NRG3: variants seen among roughly 807,000 people sequenced by gnomAD.
The protein encoded by NRG3 is neuregulin 3, also known as pro-neuregulin-3, membrane-bound isoform.
A neutral mutation model predicts 66.9 loss-of-function variants in NRG3; 31 were observed. That is an observed-to-expected ratio of 0.46 (90% CI 0.35 to 0.63). NRG3 has a LOEUF of 0.63. Ranked by LOEUF, NRG3 falls within the 20% of genes least tolerant of loss-of-function variation. The probability of loss-of-function intolerance (pLI) is 0.00; values close to 1 mark genes in which losing one functional copy is unlikely to be tolerated. For missense variants in NRG3, 910 were observed against 878.9 expected (o/e 1.04, Z -0.45); for synonymous variants, 393 against 359.4 (o/e 1.09, Z -1.06).
At chr10:82,557,380 A>G (rs2881885) in intron 2 of NRG3, among the ~76,000 whole-genome samples, 2,705 of 152,260 alleles carry the variant, frequency 0.018, 31 homozygotes, top group Middle Eastern at 0.068. Context: ...CATATCTGTA[A>G]TGATCAGTGA....
intron 1 of NRG3, among the ~76,000 whole-genome samples, chr10:82,144,961 AT>A (rs2070138018): frequency 1.3e-5 from 2 of 152,180 alleles, no homozygotes. Flanking sequence ...TGAAAATAAC[AT>A]TTCCATCTTT....
At chr10:82,479,966 T>TCAAAAA (rs60881629) in intron 2 of NRG3, among the ~76,000 whole-genome samples, 13 of 152,098 alleles carry the variant, frequency 8.5e-5, no homozygotes, top group South Asian at 4.1e-4. Flanking sequence ...AGACTGCGTC[T>TCAAAAA]CAAAAACAAA....
intron 1 of NRG3, among the ~76,000 whole-genome samples, chr10:82,211,313 A>C (rs1031844139): frequency 5.3e-5 from 8 of 152,146 alleles, no homozygotes; most frequent in Non-Finnish European, 1.2e-4. Flanking sequence ...AACATTGAGA[A>C]TTTTGGTCCT....
chr10:82,375,779 T>G (rs2085191018), intron 2 of NRG3, among the ~76,000 whole-genome samples: 1 of 152,110 alleles, frequency 6.6e-6, no homozygotes, highest in Non-Finnish European at 1.5e-5. Context: ...TGATTGAACA[T>G]AATTCCTAGG....
At chr10:82,613,271 T>C (rs534374768) in intron 2 of NRG3, among the ~76,000 whole-genome samples, 7 of 152,244 alleles carry the variant, frequency 4.6e-5, no homozygotes, top group African/African-American at 1.7e-4. Context: ...ATTCCTATTT[T>C]TACTCATGTA....
At chr10:82,965,625 A>T (rs1851136314) in intron 6 of NRG3, among the ~76,000 whole-genome samples, 1 of 151,782 alleles carries the variant, frequency 6.6e-6, no homozygotes, top group African/African-American at 2.4e-5. Flanking sequence ...AATCCCACCT[A>T]CTCAGGAGGC....
chr10:81,898,887 T>G (rs1170711313), intron 1 of NRG3, among the ~76,000 whole-genome samples: 1 of 152,170 alleles, frequency 6.6e-6, no homozygotes, highest in Non-Finnish European at 1.5e-5. Flanking sequence ...TACAGGAAGA[T>G]TTCAGAAAAC....
At chr10:81,883,800 C>T (rs1039796136) in intron 1 of NRG3, among the ~76,000 whole-genome samples, 3 of 152,126 alleles carry the variant, frequency 2.0e-5, no homozygotes, top group African/African-American at 7.2e-5. Flanking sequence ...AAGCCACACC[C>T]TCATCATCAT....
At chr10:82,192,081 G>A (rs923441537) in intron 1 of NRG3, among the ~76,000 whole-genome samples, 8 of 151,944 alleles carry the variant, frequency 5.3e-5, no homozygotes, top group East Asian at 1.9e-4. Context: ...TCAAACTTCC[G>A]TACTTCCTAA....
At chr10:82,521,591 T>C (rs577831132) in intron 2 of NRG3, among the ~76,000 whole-genome samples, 21 of 152,206 alleles carry the variant, frequency 1.4e-4, no homozygotes, top group East Asian at 1.4e-3. Context: ...CCGCCCGCCT[T>C]GGCCTCCCAA....
chr10:81,956,427 G>T (rs1849836621), intron 1 of NRG3, among the ~76,000 whole-genome samples: 1 of 152,140 alleles, frequency 6.6e-6, no homozygotes, highest in African/African-American at 2.4e-5. Context: ...GAGTCATTTG[G>T]TGATGGTCCA....
At chr10:82,131,092 G>T (rs940737366) in intron 1 of NRG3, among the ~76,000 whole-genome samples, 14 of 152,096 alleles carry the variant, frequency 9.2e-5, no homozygotes, top group African/African-American at 3.4e-4. Flanking sequence ...TGTGCTTGTG[G>T]TGTATTACTC....
chr10:82,110,005 A>G (rs566075649), intron 1 of NRG3, among the ~76,000 whole-genome samples: 63 of 152,320 alleles, frequency 4.1e-4, no homozygotes, highest in Admixed American at 1.2e-3. Flanking sequence ...ATGGAAAAGC[A>G]GTGGTGAAAC....
At chr10:82,283,977 T>C (rs73306638) in intron 1 of NRG3, among the ~76,000 whole-genome samples, 2,502 of 152,222 alleles carry the variant, frequency 0.016, 68 homozygotes, top group African/African-American at 0.057. Context: ...AGGAGGAAAA[T>C]GAAAAGAGAG....
At chr10:82,348,842 T>G (rs1340947488) in intron 1 of NRG3, among the ~76,000 whole-genome samples, 1 of 151,262 alleles carries the variant, frequency 6.6e-6, no homozygotes, top group Non-Finnish European at 1.5e-5. Context: ...TGATACCCTT[T>G]CTTCCAGTTG....
intron 2 of NRG3, among the ~76,000 whole-genome samples, chr10:82,560,379 T>C (rs367669542): frequency 6.6e-6 from 1 of 151,486 alleles, no homozygotes; most frequent in Admixed American, 6.6e-5. Flanking sequence ...GATTTAATAA[T>C]TATTTCCTCA....
intron 2 of NRG3, among the ~76,000 whole-genome samples, chr10:82,447,408 G>C (rs533409560): frequency 6.6e-6 from 1 of 151,968 alleles, no homozygotes; most frequent in Non-Finnish European, 1.5e-5. Context: ...ACATAGTGAG[G>C]CCCCATCCCT....
At chr10:82,751,695 A>G (rs1025075185) in intron 3 of NRG3, among the ~76,000 whole-genome samples, 5 of 152,152 alleles carry the variant, frequency 3.3e-5, no homozygotes, top group Admixed American at 2.6e-4. Context: ...CTATGTAAAT[A>G]AGATTAGAAA....
intron 2 of NRG3, among the ~76,000 whole-genome samples, chr10:82,515,331 ACT>A: frequency 6.6e-6 from 1 of 152,320 alleles, no homozygotes; most frequent in East Asian, 1.9e-4. Context: ...TGAGTAATTT[ACT>A]GTTTTTGTTT....
Sources: allele counts gnomAD v4.1 joint callset (sites outside exome capture counted in the v4.1 genomes callset), GRCh38; gene constraint gnomAD v4.1.1; transcripts MANE v1.5; gene names NCBI Gene and HGNC (gene_info 2026-07-23, HGNC 2026-07-21).